DNAH17: variants seen among roughly 807,000 people sequenced by gnomAD.
DNAH17 encodes dynein axonemal heavy chain 17.
In DNAH17, 376 loss-of-function variants were observed where a neutral mutation model predicts 485.6. The ratio of observed to expected loss-of-function variants is 0.77; its 90% confidence interval spans 0.71 to 0.84. DNAH17 has a LOEUF of 0.84. DNAH17 is among the 40% of genes least tolerant of loss of function. DNAH17 has a pLI of 0.00. For synonymous variants in DNAH17, 3,031 were observed against 2,405.9 expected (o/e 1.26, Z -7.60); for missense variants, 6,370 against 5,839.3 (o/e 1.09, Z -2.96).
At chr17:78,551,754 G>C (rs2091907116) in intron 15 of DNAH17, 116 bp from the exon 16 acceptor site, 6 of 924,230 alleles carry the variant, frequency 6.5e-6, no homozygotes, top group Non-Finnish European at 1.0e-5. Flanking sequence ...ACGAGGTCGG[G>C]AGTTCGAGAC....
intron 25 of DNAH17, among the ~76,000 whole-genome samples, chr17:78,516,467 A>T (rs2090782382): frequency 1.3e-5 from 2 of 152,328 alleles, no homozygotes; most frequent in South Asian, 4.1e-4. Flanking sequence ...CGGGTGGATC[A>T]CCTGAGGTCA....
At chr17:78,463,253 G>A (rs1445415153) in intron 56 of DNAH17, among the ~76,000 whole-genome samples, 176 bp from the exon 57 acceptor site, 2 of 152,182 alleles carry the variant, frequency 1.3e-5, no homozygotes, top group African/African-American at 4.8e-5. Context: ...GCCCTTGTGA[G>A]CACTGCACCA....
In DNAH17 at chr17:78,525,926, C is replaced by A. The variant is rs2091057279; in HGVS notation, c.3711+725G>T. On this transcript the variant is annotated intron_variant, in intron 24 of 80. Coordinates refer to ENST00000389840, the MANE Select transcript of DNAH17 (RefSeq NM_173628.4). The stretch of plus-strand genomic sequence containing the variant: ...TCAGGGAGGGGAAGAGTGAGGCAAC[C>A]CTGAGGACCCTGGGGTTCACATTTG... 2.0e-5 allele frequency among the ~76,000 whole-genome samples: 3 copies of A among 152,214 alleles called. No individual in the cohort carries two copies. In the South Asian group the frequency reaches 6.2e-4, roughly 31 times the overall value.
In DNAH17 at chr17:78,458,574, A is replaced by G; in HGVS notation, c.9968T>C (p.Leu3323Pro). The G allele has an allele frequency of 6.2e-7, 1 of 1,613,910 alleles. No individual in the cohort carries two copies. Among genetic ancestry groups the G allele is most frequent in the Middle Eastern group, 1.7e-4 (1 of 6,042 alleles). ...EADATNRVILLANRLVGGLAS... is the reference protein window; with the variant it reads ...EADATNRVILPANRLVGGLAS... ...GGGGAGGAGCTGATACCTGTTCGCC[A>G]GTAAGATCACCCTGTTCGTGGCATC... Residue 3323 changes from leucine (L) to proline (P), a missense_variant, in exon 62 of 81, where the codon CTG (leucine) becomes CCG (proline). Leu to Pro is a moderately conservative substitution (Grantham distance 98, BLOSUM62 -3). Transcript: ENST00000389840.
chr17:78,478,734 CCATCATCACCAT>C (rs2089214937), intron 51 of DNAH17: 2 of 383,166 alleles, frequency 5.2e-6, no homozygotes. Context: ...ATCATCACCA[CCATCATCACCAT>C]CACCACCATC....
In DNAH17 at chr17:78,494,697, T is replaced by A; in HGVS notation, c.6166A>T (p.Ile2056Phe). 6.2e-7 allele frequency: 1 copy of A among 1,613,914 alleles called. No homozygotes were observed. Among genetic ancestry groups the A allele is most frequent in the Non-Finnish European group, 8.5e-7 (1 of 1,179,876 alleles). Residue 2056 changes from isoleucine to phenylalanine, a missense_variant, in exon 40 of 81, where the codon ATC becomes TTC. Ile to Phe is a conservative substitution (Grantham distance 21, BLOSUM62 0). Coordinates refer to ENST00000389840, the MANE Select transcript of DNAH17 (RefSeq NM_173628.4). ...VLMRALRDFNIPKIVTDDLPV... is the reference protein window; with the variant it reads ...VLMRALRDFNFPKIVTDDLPV... ...AGGTCGTCTGTCACAATCTTGGGGATGTTGAAGTCTCTCAGCGCCCGCATG... is the reference window on the plus strand; with the variant it reads ...AGGTCGTCTGTCACAATCTTGGGGAAGTTGAAGTCTCTCAGCGCCCGCATG...
At chr17:78,508,334 A>G (rs1055322529) in intron 27 of DNAH17, among the ~76,000 whole-genome samples, 27 of 152,178 alleles carry the variant, frequency 1.8e-4, no homozygotes, top group African/African-American at 6.0e-4. Flanking sequence ...GTGGAGGCGG[A>G]AAGAATCCTG....
intron 78 of DNAH17, 118 bp from the exon 79 acceptor site, chr17:78,426,718 G>T (rs749806135): frequency 2.1e-6 from 3 of 1,424,832 alleles, no homozygotes; most frequent in African/African-American, 1.4e-5. Flanking sequence ...CTCTGGAGAC[G>T]CCCTGCATCA....
intron 5 of DNAH17, 80 bp downstream of exon 5, chr17:78,571,199 G>A (rs928426640): frequency 1.2e-5 from 17 of 1,380,406 alleles, no homozygotes; most frequent in Admixed American, 2.0e-5. Flanking sequence ...ACATCCTAGG[G>A]TTGGTGACAA....
In DNAH17 at chr17:78,505,353, T is replaced by C; in HGVS notation, c.4896A>G (p.Gly1632=). Residue 1632 remains glycine (G), a synonymous_variant, in exon 31 of 81, where the codon GGA becomes GGG. Coordinates refer to ENST00000389840, the MANE Select transcript of DNAH17 (RefSeq NM_173628.4). ...ASDKPLKVGL[G]MYSKEDEYMV... is the part of the protein sequence containing the mutation. ...TGTACTCGTCCTCCTTGCTGTACAT[T>C]CCCAGGCCCACCTTGAGAGGTTTGT... The C allele has an allele frequency of 6.2e-7, 1 of 1,613,940 alleles. No homozygotes were observed. The highest frequency in any genetic ancestry group is 8.5e-7 in the Non-Finnish European group (1 of 1,179,882).
At chr17:78,525,250 G>GTGCC in intron 24 of DNAH17, 89 bp from the exon 25 acceptor site, 1 of 1,518,534 alleles carries the variant, frequency 6.6e-7, no homozygotes, top group South Asian at 1.2e-5. Flanking sequence ...TCTCTCCAGT[G>GTGCC]TGCCCTCCCT....
At chr17:78,524,964 C>T (rs748714227) in intron 25 of DNAH17, 45 bp downstream of exon 25, 2 of 1,575,412 alleles carry the variant, frequency 1.3e-6, no homozygotes, top group East Asian at 2.3e-5. Flanking sequence ...GGGCAGCTCC[C>T]TGCAGAATCC....
intron 37 of DNAH17, 71 bp downstream of exon 37, chr17:78,498,935 CGT>C: frequency 2.5e-6 from 3 of 1,177,966 alleles, no homozygotes; most frequent in South Asian, 1.5e-5. Context: ...GTCTATCTGG[CGT>C]GTGAGGTCAC....
intron 72 of DNAH17, among the ~76,000 whole-genome samples, chr17:78,440,372 T>A (rs2087026594): frequency 7.1e-6 from 1 of 140,136 alleles, no homozygotes; most frequent in Admixed American, 7.7e-5. Context: ...TCCTCCCACC[T>A]CAGCCTCACA....
At position 78,544,136 on chromosome 17, in the gene DNAH17, G is replaced by A. The variant is rs77397208; in HGVS notation, c.2392-139C>T. ...TGGAGTCTAGTTCTCCACGATCCAT[G>A]CCCATCAGGGGCTACTAAGGACCTG... On this transcript the variant is annotated intron_variant, in intron 16 of 80. Coordinates refer to ENST00000389840, the MANE Select transcript of DNAH17 (RefSeq NM_173628.4). 5,664 of 1,235,454 alleles carry A rather than the reference G, an allele frequency of 4.6e-3. 182 individuals carry two copies. The African/African-American group carries it at 0.068, about 15-fold the overall frequency. 76.5% of individuals were successfully genotyped at this position (1,235,454 alleles called of 1,614,324 possible).
rs142161378 is a variant in DNAH17, at chr17:78,566,747, A to G, written c.1453-17T>C. ...GTCAAAATTCTAAAAGCAAATGGAA[A>G]TGTCAACCTTGTAATCAGCGTGCAA... On this transcript the variant is annotated splice_polypyrimidine_tract_variant and intron_variant, in intron 10 of 80. Transcript: ENST00000389840. 1,647 of 1,568,462 alleles carry G rather than the reference A, an allele frequency of 1.1e-3. 24 individuals carry two copies. In the African/African-American group the frequency reaches 0.019, roughly 18 times the overall value.
In DNAH17 at chr17:78,450,728, TCCA is replaced by T. The variant is rs1197056391; in HGVS notation, c.10850_10852del (p.Val3617del). 42 of 1,613,910 alleles carry T rather than the reference TCCA, an allele frequency of 2.6e-5. No individual in the cohort carries two copies. Among genetic ancestry groups the T allele is most frequent in the Non-Finnish European group, 3.5e-5 (41 of 1,179,876 alleles). ...TGTGTGCTTGGTGGTCTCCAGATTC[TCCA>T]CCAAGGCCGTGTCTCCCAGAAAGTT... is the stretch of plus-strand genomic sequence containing the variant. On this transcript the variant is annotated inframe_deletion, in exon 67 of 81. Coordinates refer to ENST00000389840, the MANE Select transcript of DNAH17 (RefSeq NM_173628.4).
At chr17:78,438,999 A>G in intron 73 of DNAH17, 91 bp downstream of exon 73, 1 of 1,507,094 alleles carries the variant, frequency 6.6e-7, no homozygotes, top group Non-Finnish European at 8.9e-7. Context: ...TGCAAACTCC[A>G]CATCCTGCTT....
intron 22 of DNAH17, 132 bp downstream of exon 22, chr17:78,529,339 TG>T: frequency 4.5e-6 from 4 of 888,394 alleles, no homozygotes; most frequent in Non-Finnish European, 5.3e-6. Flanking sequence ...CCCTGTTCCA[TG>T]GGGATCTGAT....
Sources: allele counts gnomAD v4.1 joint callset (sites outside exome capture counted in the v4.1 genomes callset), GRCh38; gene constraint gnomAD v4.1.1; transcripts MANE v1.5; gene names NCBI Gene and HGNC (gene_info 2026-07-23, HGNC 2026-07-21).